Variants in VPS53 observed in about 807,000 individuals in gnomAD.
The protein encoded by VPS53 is VPS53 subunit of GARP complex, also known as vacuolar protein sorting-associated protein 53 homolog.
Under a neutral mutation model 107.0 loss-of-function variants are expected in VPS53, and 70 were observed. The ratio of observed to expected loss-of-function variants is 0.65; its 90% CI spans 0.54 to 0.80. The LOEUF (loss-of-function observed/expected upper bound fraction) is 0.80, where lower values mean the gene tolerates loss of function less well. Ranked by LOEUF, VPS53 falls within the 30% of genes least tolerant of loss-of-function variation. The pLI is 0.00. For missense variants in VPS53, 917 were observed against 1,049.4 expected, an observed-to-expected ratio of 0.87 and a Z score of 1.74; for synonymous variants, 409 against 393.3, an observed-to-expected ratio of 1.04 and a Z score of -0.47.
intron 5 of VPS53, among the ~76,000 whole-genome samples, chr17:661,331 C>A (rs1393302425): frequency 6.6e-6 from 1 of 151,726 alleles, no homozygotes; most frequent in Non-Finnish European, 1.5e-5. Context: ...ACCATCCTGG[C>A]CAACATGGTG....
rs1908262346 is a variant in VPS53 at position 515,779 on chromosome 17, C to G, written c.*3349G>C. On this transcript the variant is annotated 3_prime_UTR_variant, in exon 22 of 22. Transcript: ENST00000437048. Reference sequence around the variant, plus strand: ...AGTATGGAGAGAGCCCAATCCTGGGCATGGTCCCCACCACCACCAAAAGTC... The same window carrying G: ...AGTATGGAGAGAGCCCAATCCTGGGGATGGTCCCCACCACCACCAAAAGTC... The G allele has an allele frequency of 6.6e-6, 1 of 151,474 alleles. No homozygotes were observed. Among genetic ancestry groups the G allele is most frequent in the Non-Finnish European group, 1.5e-5 (1 of 67,908 alleles). The allele number at this position is 151,474 out of a possible 1,614,324, so 9.4% of individuals were successfully genotyped here. A position where few individuals can be genotyped will look rare whatever the true frequency, so the allele number is the denominator to read the frequency against.
chr17:679,963 C>G (rs1192654788), intron 4 of VPS53, among the ~76,000 whole-genome samples: 1 of 152,080 alleles, frequency 6.6e-6, no homozygotes, highest in Admixed American at 6.6e-5. Context: ...GCCTGGCCAA[C>G]ATGGTGAAAC....
At chr17:656,521 T>A (rs1036447780) in intron 5 of VPS53, among the ~76,000 whole-genome samples, 26 of 151,820 alleles carry the variant, frequency 1.7e-4, no homozygotes, top group African/African-American at 6.3e-4. Flanking sequence ...ATTTGGGGAG[T>A]AAGAGCCTGA....
intron 4 of VPS53, among the ~76,000 whole-genome samples, chr17:662,489 A>ATT (rs1971475687): frequency 6.6e-6 from 1 of 152,034 alleles, no homozygotes; most frequent in Non-Finnish European, 1.5e-5. Flanking sequence ...GGAGATCAAG[A>ATT]CCATCCTGGC....
intron 2 of VPS53, among the ~76,000 whole-genome samples, chr17:710,163 G>T (rs1164578983): frequency 6.6e-6 from 1 of 151,958 alleles, no homozygotes; most frequent in Admixed American, 6.6e-5. Context: ...CTAATAAATA[G>T]AAATAAAAAT....
In VPS53 at chr17:589,669, T is replaced by C. The variant is rs183615174; in HGVS notation, c.1219-3305A>G. Among the ~76,000 whole-genome samples the C allele has an allele frequency of 6.1e-3, 933 of 152,316 alleles. 8 individuals are homozygous for C. Among genetic ancestry groups the C allele is most frequent in the Middle Eastern group, 0.01 (3 of 294 alleles). The stretch of plus-strand genomic sequence containing the variant: ...AACTTGGAAAATGGGTACAGTGGCC[T>C]GGTGGAAAATTCCAGAGACCTCAAT... On this transcript the variant is annotated intron_variant, in intron 12 of 21. Transcript: ENST00000437048.
intron 17 of VPS53, among the ~76,000 whole-genome samples, chr17:540,756 G>C (rs1910570932): frequency 6.6e-6 from 1 of 152,158 alleles, no homozygotes; most frequent in Admixed American, 6.5e-5. Flanking sequence ...AAGACAGTAA[G>C]AATGATGAGT....
At chr17:529,487 T>C (rs971061376) in intron 19 of VPS53, among the ~76,000 whole-genome samples, 2 of 152,218 alleles carry the variant, frequency 1.3e-5, no homozygotes, top group Non-Finnish European at 2.9e-5. Context: ...GAATTCTATC[T>C]ATAGATTAAT....
intron 6 of VPS53, among the ~76,000 whole-genome samples, chr17:655,280 C>G (rs1358852591): frequency 1.3e-5 from 2 of 152,030 alleles, no homozygotes; most frequent in Non-Finnish European, 2.9e-5. Flanking sequence ...TCTGATGTAT[C>G]ATTCCCTCTA....
chr17:671,930 G>A (rs1045472158), intron 4 of VPS53, among the ~76,000 whole-genome samples: 7 of 151,976 alleles, frequency 4.6e-5, no homozygotes, highest in African/African-American at 1.7e-4. Context: ...CTCATGACCC[G>A]CTTACCTCGG....
chr17:680,112 G>A (rs1437249150), intron 4 of VPS53, among the ~76,000 whole-genome samples: 1 of 152,196 alleles, frequency 6.6e-6, no homozygotes, highest in Admixed American at 6.5e-5. Flanking sequence ...TGGCCAACAT[G>A]GTGAAACCCC....
chr17:623,302 T>C (rs1235355538), intron 11 of VPS53, among the ~76,000 whole-genome samples: 2 of 152,146 alleles, frequency 1.3e-5, no homozygotes, highest in Non-Finnish European at 2.9e-5. Context: ...GATCAATACT[T>C]AAGAAAAATG....
At chr17:615,032 G>C (rs1969073399) in intron 11 of VPS53, among the ~76,000 whole-genome samples, 1 of 152,218 alleles carries the variant, frequency 6.6e-6, no homozygotes, top group Non-Finnish European at 1.5e-5. Flanking sequence ...TTCAGCAGAA[G>C]GCTGAATGTC....
At chr17:654,360 A>G (rs1424100956) in intron 6 of VPS53, among the ~76,000 whole-genome samples, 1 of 152,216 alleles carries the variant, frequency 6.6e-6, no homozygotes, top group African/African-American at 2.4e-5. Flanking sequence ...GGGAGGAAAT[A>G]TAAACTATTA....
At chr17:602,088 C>T (rs371157396) in intron 11 of VPS53, among the ~76,000 whole-genome samples, 192 bp from the exon 12 acceptor site, 9 of 152,156 alleles carry the variant, frequency 5.9e-5, no homozygotes, top group African/African-American at 1.7e-4. Context: ...GCAACCTCCC[C>T]GACCACCCCG....
chr17:565,985 C>T (rs1341933503), intron 13 of VPS53, among the ~76,000 whole-genome samples: 8 of 152,006 alleles, frequency 5.3e-5, no homozygotes, highest in Admixed American at 2.0e-4. Flanking sequence ...GGGCGGATCA[C>T]GAGGTCAGGA....
intron 7 of VPS53, among the ~76,000 whole-genome samples, chr17:636,243 T>C (rs987961865): frequency 7.9e-5 from 12 of 152,230 alleles, no homozygotes; most frequent in Non-Finnish European, 1.8e-4. Flanking sequence ...ATAAGAATGC[T>C]TGTGATTTTT....
At chr17:632,669 T>A in intron 7 of VPS53, 1 of 455,720 alleles carries the variant, frequency 2.2e-6, no homozygotes, top group East Asian at 7.0e-5. Flanking sequence ...CTCCCTGCTA[T>A]GCCTCCCAGC....
At chr17:711,945 A>G (rs1448103099) in intron 1 of VPS53, among the ~76,000 whole-genome samples, 1 of 151,720 alleles carries the variant, frequency 6.6e-6, no homozygotes, top group African/African-American at 2.4e-5. Flanking sequence ...GCCTCTTGAG[A>G]AGGTGGGACT....
Sources: gnomAD v4.1 joint callset for allele counts (sites outside exome capture counted in the v4.1 genomes callset) on GRCh38, gnomAD v4.1.1 for gene constraint, MANE v1.5 for transcripts, NCBI Gene and HGNC (gene_info 2026-07-23, HGNC 2026-07-21) for gene names.